PTPRE: variants seen among roughly 807,000 people sequenced by gnomAD.
PTPRE encodes receptor-type tyrosine-protein phosphatase epsilon.
In PTPRE, 51 loss-of-function variants were observed where a neutral mutation model predicts 102.0. The ratio of observed to expected loss-of-function variants is 0.50; its 90% CI spans 0.40 to 0.63. The LOEUF (loss-of-function observed/expected upper bound fraction) is 0.63. PTPRE is among the 30% of genes least tolerant of loss of function. The probability of loss-of-function intolerance (pLI) is 0.00; values close to 1 mark genes in which losing one functional copy is unlikely to be tolerated. For synonymous variants in PTPRE, 345 were observed against 348.2 expected (o/e 0.99, Z 0.10); for missense variants, 752 against 915.1 (o/e 0.82, Z 2.30).
At chr10:128,021,395 C>A (rs1384962525) in intron 2 of PTPRE, among the ~76,000 whole-genome samples, 2 of 152,196 alleles carry the variant, frequency 1.3e-5, no homozygotes, top group Non-Finnish European at 2.9e-5. Context: ...GCAAACCGCC[C>A]CCCTCCCCGT....
At position 128,085,810 on chromosome 10, in the gene PTPRE, A is replaced by T. The variant is rs1011996132; in HGVS notation, c.*2904A>T. The T allele has an allele frequency of 3.4e-4, 51 of 151,102 alleles. No individual in the cohort carries two copies. Among genetic ancestry groups the T allele is most frequent in the Admixed American group, 3.3e-3 (50 of 15,092 alleles). The allele number at this position is 151,102 out of a possible 1,614,324, so 9.4% of individuals were successfully genotyped here. ...ACTCTTTGTATATGCAAATTGCAAGATTTAAACCATTCTGATGCAAGGATA... is the reference window on the plus strand; with the variant it reads ...ACTCTTTGTATATGCAAATTGCAAGTTTTAAACCATTCTGATGCAAGGATA... On this transcript the variant is annotated 3_prime_UTR_variant, in exon 21 of 21. Transcript: ENST00000254667.
chr10:127,953,293 G>A (rs1425130711), intron 1 of PTPRE, among the ~76,000 whole-genome samples: 1 of 152,218 alleles, frequency 6.6e-6, no homozygotes, highest in African/African-American at 2.4e-5. Flanking sequence ...CCTTCGGCAG[G>A]CCCCTATAGG....
intron 1 of PTPRE, among the ~76,000 whole-genome samples, chr10:127,970,757 G>A (rs550979747): frequency 7.3e-5 from 11 of 150,416 alleles, no homozygotes; most frequent in East Asian, 2.0e-4. Flanking sequence ...TCATGGCTGC[G>A]CTCACAAAAA....
At chr10:128,051,566 A>G (rs1227201673) in intron 6 of PTPRE, among the ~76,000 whole-genome samples, 2 of 152,188 alleles carry the variant, frequency 1.3e-5, no homozygotes, top group African/African-American at 4.8e-5. Flanking sequence ...AAAGTTTCAT[A>G]TTTTGGTCAT....
At chr10:128,045,281 G>T (rs964726861) in intron 3 of PTPRE, among the ~76,000 whole-genome samples, 1 of 152,232 alleles carries the variant, frequency 6.6e-6, no homozygotes, top group Admixed American at 6.5e-5. Context: ...GTCTGTGACC[G>T]CAGCCTTCAC....
intron 1 of PTPRE, among the ~76,000 whole-genome samples, chr10:127,920,089 G>C (rs1755504723): frequency 1.3e-5 from 2 of 152,190 alleles, no homozygotes; most frequent in African/African-American, 4.8e-5. Flanking sequence ...CAGGGTAACT[G>C]CTGCGAGTTT....
At chr10:128,019,008 G>C (rs1845651352) in intron 2 of PTPRE, among the ~76,000 whole-genome samples, 1 of 152,194 alleles carries the variant, frequency 6.6e-6, no homozygotes, top group South Asian at 2.1e-4. Context: ...GACTCCAGTG[G>C]GTCAGGAGCC....
intron 2 of PTPRE, among the ~76,000 whole-genome samples, chr10:128,006,338 C>T (rs568825554): frequency 6.6e-6 from 1 of 152,330 alleles, no homozygotes; most frequent in South Asian, 2.1e-4. Context: ...AGCAGATTTT[C>T]ACAGACAAGG....
chr10:127,976,492 C>T (rs1343112870), intron 1 of PTPRE, among the ~76,000 whole-genome samples: 1 of 152,114 alleles, frequency 6.6e-6, no homozygotes, highest in Non-Finnish European at 1.5e-5. Context: ...GGCAGGGATG[C>T]ACGTGGATCT....
chr10:127,998,707 A>G (rs1317972931), intron 2 of PTPRE: 1 of 152,100 alleles, frequency 6.6e-6, no homozygotes, highest in Non-Finnish European at 1.5e-5. Context: ...AAGACTCAAA[A>G]TTGTGTTGGA....
chr10:128,073,306 C>A, intron 16 of PTPRE, 31 bp from the exon 17 acceptor site: 1 of 1,612,270 alleles, frequency 6.2e-7, no homozygotes, highest in South Asian at 1.1e-5. Context: ...GGAAGGAAGT[C>A]AGACTCTAAC....
chr10:128,035,712 G>A (rs7089731), intron 2 of PTPRE, among the ~76,000 whole-genome samples: 16,439 of 152,248 alleles, frequency 0.11, 1,041 homozygotes, highest in African/African-American at 0.16. Flanking sequence ...TCAGTCCACT[G>A]CTGGACATCC....
Position 128,083,811 on chromosome 10 carries a change from A to G in PTPRE, c.*905A>G, listed in dbSNP as rs1274106627. On this transcript the variant is annotated 3_prime_UTR_variant, in exon 21 of 21. Transcript: ENST00000254667. ...CAAAACTTCCCATCCAAACATTCAGATGAACTGAGCGTCTTACACACGCAG... is the reference window on the plus strand; with the variant it reads ...CAAAACTTCCCATCCAAACATTCAGGTGAACTGAGCGTCTTACACACGCAG... The G allele has an allele frequency of 6.6e-6, 1 of 152,290 alleles. No individual in the cohort carries two copies. The highest frequency in any genetic ancestry group is 2.4e-5 in the African/African-American group (1 of 41,454). 9.4% of individuals were successfully genotyped at this position (152,290 alleles called of 1,614,324 possible). A position where few individuals can be genotyped will look rare whatever the true frequency, so the allele number is the denominator to read the frequency against.
Position 128,032,453 on chromosome 10 carries a change from C to T in PTPRE, c.-7-8422C>T, listed in dbSNP as rs372200326. On this transcript the variant is annotated intron_variant, in intron 2 of 20. Coordinates refer to ENST00000254667, the MANE Select transcript of PTPRE (RefSeq NM_006504.6). ...GAGACACCTGTGTAGGGAACAGGCT[C>T]TCTTTAATCATGACTAAATCCGGAA... Among the ~76,000 whole-genome samples the T allele has an allele frequency of 4.6e-5, 7 of 152,296 alleles. No individual in the cohort carries two copies. The East Asian group carries it at 1.2e-3, about 25-fold the overall frequency.
At chr10:127,982,045 A>C (rs1381687943) in intron 1 of PTPRE, among the ~76,000 whole-genome samples, 1 of 152,166 alleles carries the variant, frequency 6.6e-6, no homozygotes, top group African/African-American at 2.4e-5. Flanking sequence ...ACACCCCACC[A>C]TCAACTGATC....
chr10:127,912,894 C>T lies in PTPRE; in HGVS notation c.-31+5585C>T, dbSNP rs143227709. 8.9e-4 allele frequency among the ~76,000 whole-genome samples: 136 copies of T among 152,330 alleles called. 1 individual carries two copies. The highest frequency in any genetic ancestry group is 3.4e-3 in the Middle Eastern group (1 of 294). On this transcript the variant is annotated intron_variant, in intron 1 of 20. Transcript: ENST00000254667. Reference sequence around the variant, plus strand: ...GGTAGCAGTGGAGGAGGCCAAGTGGCGGAGGCCTTCCCTGCCATGATTTTA... The same window carrying T: ...GGTAGCAGTGGAGGAGGCCAAGTGGTGGAGGCCTTCCCTGCCATGATTTTA...
chr10:127,987,553 C>T (rs1470399808), intron 2 of PTPRE, among the ~76,000 whole-genome samples: 1 of 152,096 alleles, frequency 6.6e-6, no homozygotes, highest in African/African-American at 2.4e-5. Context: ...TACCTTTATC[C>T]AGCTCTGTGC....
At position 127,931,769 on chromosome 10, in the gene PTPRE, T is replaced by C. The variant is rs764831565; in HGVS notation, c.-31+24460T>C. 3.9e-5 allele frequency among the ~76,000 whole-genome samples: 6 copies of C among 152,368 alleles called. No homozygotes were observed. The Middle Eastern group carries it at 0.01, about 259-fold the overall frequency. On this transcript the variant is annotated intron_variant, in intron 1 of 20. Transcript: ENST00000254667. ...TTCTTAATGCAGGACAAAAATCTGA[T>C]TGTGTATTTTATCATCATTTATCAT...
intron 2 of PTPRE, chr10:127,987,300 T>C: frequency 1.6e-6 from 2 of 1,250,112 alleles, no homozygotes; most frequent in South Asian, 2.6e-5. Context: ...CAGTTCAAAG[T>C]TGGAATTCTT....
Sources: allele counts gnomAD v4.1 joint callset (sites outside exome capture counted in the v4.1 genomes callset), GRCh38; gene constraint gnomAD v4.1.1; transcripts MANE v1.5; gene names NCBI Gene and HGNC (gene_info 2026-07-23, HGNC 2026-07-21).